Variants in MDGA2 observed in about 807,000 individuals in gnomAD.
The protein encoded by MDGA2 is MAM domain-containing glycosylphosphatidylinositol anchor protein 2.
In MDGA2, 40 loss-of-function variants were observed where a neutral mutation model predicts 117.8. The ratio of observed to expected loss-of-function variants is 0.34; its 90% CI spans 0.26 to 0.44. The LOEUF (loss-of-function observed/expected upper bound fraction) is 0.44. Among genes scored for constraint, MDGA2 ranks in the 20% least tolerant of loss-of-function variants. The pLI is 1.00. For missense variants in MDGA2, 1,123 were observed against 1,250.6 expected (o/e 0.90, Z 1.54); for synonymous variants, 452 against 439.0 (o/e 1.03, Z -0.37).
At chr14:47,492,060 A>C (rs1391798504) in intron 1 of MDGA2, among the ~76,000 whole-genome samples, 3 of 152,160 alleles carry the variant, frequency 2.0e-5, no homozygotes, top group African/African-American at 7.2e-5. Context: ...ACCATTCGAG[A>C]ACATTTATTC....
intron 1 of MDGA2, among the ~76,000 whole-genome samples, chr14:47,544,487 G>A (rs1309753789): frequency 3.3e-5 from 5 of 152,106 alleles, no homozygotes; most frequent in Non-Finnish European, 7.4e-5. Context: ...TCATGTGTCT[G>A]CCAAGCCTAA....
intron 8 of MDGA2, among the ~76,000 whole-genome samples, chr14:47,000,417 AT>A (rs1675629981): frequency 2.1e-5 from 3 of 141,310 alleles, no homozygotes; most frequent in Non-Finnish European, 4.6e-5. Flanking sequence ...ATTTATATAT[AT>A]ACACATATAA....
At chr14:47,319,799 A>G (rs1889925241) in intron 1 of MDGA2, among the ~76,000 whole-genome samples, 1 of 152,180 alleles carries the variant, frequency 6.6e-6, no homozygotes, top group Non-Finnish European at 1.5e-5. Context: ...CATTTATTAT[A>G]GATGGAATGT....
intron 1 of MDGA2, among the ~76,000 whole-genome samples, chr14:47,390,074 T>C (rs184191815): frequency 1.1e-4 from 17 of 152,226 alleles, no homozygotes; most frequent in Admixed American, 2.6e-4. Flanking sequence ...CTGTAATCCG[T>C]AGAACTTCAG....
rs1380561410 is a variant in MDGA2 at position 47,070,723 on chromosome 14, A to G, written c.1196-9145T>C. ...TGGGTTCAAGCAATTCTCCCACCTC[A>G]GCTTCCCAAGTAGCTGAGACTACAG... is the stretch of plus-strand genomic sequence containing the variant. On this transcript the variant is annotated intron_variant, in intron 6 of 16. Coordinates refer to ENST00000399232, the MANE Select transcript of MDGA2 (RefSeq NM_001113498.3). Among the ~76,000 whole-genome samples the G allele has an allele frequency of 2.6e-5, 4 of 152,116 alleles. No individual in the cohort carries two copies. In the East Asian group the frequency reaches 7.7e-4, roughly 29 times the overall value.
At chr14:47,447,353 G>C (rs1029379494) in intron 1 of MDGA2, among the ~76,000 whole-genome samples, 2 of 152,124 alleles carry the variant, frequency 1.3e-5, no homozygotes, top group Non-Finnish European at 2.9e-5. Flanking sequence ...AATCCATTTA[G>C]GGAGTTAGTG....
In MDGA2 at chr14:47,119,180, C is replaced by G. The variant is rs1368460133; in HGVS notation, c.925+12534G>C. 1.4e-3 allele frequency among the ~76,000 whole-genome samples: 67 copies of G among 46,884 alleles called. 13 individuals are homozygous for G. The highest frequency in any genetic ancestry group is 8.5e-3 in the South Asian group (7 of 824). 30.8% of individuals were successfully genotyped at this position (46,884 alleles called of 152,430 possible). On this transcript the variant is annotated intron_variant, in intron 5 of 16. Transcript: ENST00000399232. ...ATTCTCCTGCCTCAGCCCCGCCCCC[C>G]CCCCCCCACCCCGTAGCTGGGACTA... is the stretch of plus-strand genomic sequence containing the variant.
At chr14:47,466,164 T>C (rs1893599790) in intron 1 of MDGA2, among the ~76,000 whole-genome samples, 1 of 151,770 alleles carries the variant, frequency 6.6e-6, no homozygotes, top group Admixed American at 6.6e-5. Context: ...CTGGGGTGTA[T>C]GTGAGGGTGG....
At chr14:46,933,605 T>C (rs958997501) in intron 9 of MDGA2, among the ~76,000 whole-genome samples, 4 of 151,436 alleles carry the variant, frequency 2.6e-5, no homozygotes, top group African/African-American at 9.7e-5. Flanking sequence ...AAGATTTCCA[T>C]AAGTTAATTT....
chr14:47,532,277 T>C (rs774220171), intron 1 of MDGA2, among the ~76,000 whole-genome samples: 2 of 152,224 alleles, frequency 1.3e-5, no homozygotes, highest in Non-Finnish European at 2.9e-5. Flanking sequence ...CCATTTTAAT[T>C]GGCATTATAA....
At chr14:47,403,213 C>T (rs1468968324) in intron 1 of MDGA2, among the ~76,000 whole-genome samples, 2 of 152,158 alleles carry the variant, frequency 1.3e-5, no homozygotes, top group Non-Finnish European at 2.9e-5. Context: ...CTTGTTAAGT[C>T]CCAGATGTCC....
chr14:47,027,729 A>C (rs1405130970), intron 8 of MDGA2, among the ~76,000 whole-genome samples: 1 of 151,632 alleles, frequency 6.6e-6, no homozygotes, highest in Non-Finnish European at 1.5e-5. Context: ...CCCCTTAGTT[A>C]TATATCATGC....
intron 8 of MDGA2, among the ~76,000 whole-genome samples, chr14:47,001,907 G>C (rs1322248434): frequency 1.3e-5 from 2 of 152,030 alleles, no homozygotes; most frequent in African/African-American, 2.4e-5. Context: ...GAGGGAGAGG[G>C]AGAGCACAGG....
chr14:47,586,192 T>C (rs1896321710), intron 1 of MDGA2, among the ~76,000 whole-genome samples: 1 of 151,934 alleles, frequency 6.6e-6, no homozygotes, highest in Non-Finnish European at 1.5e-5. Flanking sequence ...CCTAAAGAAT[T>C]GGTGTATAGC....
chr14:47,190,228 T>C (rs1240574635), intron 3 of MDGA2, among the ~76,000 whole-genome samples: 1 of 152,220 alleles, frequency 6.6e-6, no homozygotes, highest in Non-Finnish European at 1.5e-5. Flanking sequence ...TGGAACCTAA[T>C]TACCCTTTGC....
chr14:47,398,444 C>T (rs1255330139), intron 1 of MDGA2, among the ~76,000 whole-genome samples: 4 of 152,016 alleles, frequency 2.6e-5, no homozygotes, highest in African/African-American at 7.2e-5. Context: ...TTATACTTTA[C>T]GCTATGAAGA....
At chr14:46,998,371 C>A (rs1887377507) in intron 8 of MDGA2, among the ~76,000 whole-genome samples, 1 of 152,046 alleles carries the variant, frequency 6.6e-6, no homozygotes, top group Non-Finnish European at 1.5e-5. Flanking sequence ...GCTAATGAAG[C>A]TATCTTGAGA....
chr14:47,154,516 C>T (rs1883290673), intron 3 of MDGA2, among the ~76,000 whole-genome samples: 1 of 152,194 alleles, frequency 6.6e-6, no homozygotes, highest in Admixed American at 6.5e-5. Context: ...GTGAAGCCCC[C>T]CTGCCCCTGC....
At chr14:46,955,298 A>G (rs1323842861) in intron 9 of MDGA2, among the ~76,000 whole-genome samples, 1 of 152,044 alleles carries the variant, frequency 6.6e-6, no homozygotes, top group African/African-American at 2.4e-5. Flanking sequence ...TAGAACTTGT[A>G]AAAAATAGCC....
Sources: allele counts gnomAD v4.1 joint callset (sites outside exome capture counted in the v4.1 genomes callset), GRCh38; gene constraint gnomAD v4.1.1; transcripts MANE v1.5; gene names NCBI Gene and HGNC (gene_info 2026-07-23, HGNC 2026-07-21).